Variants in FARP1 observed in about 807,000 individuals in gnomAD.
FARP1 encodes FERM, ARH/RhoGEF and pleckstrin domain protein 1.
Under a neutral mutation model 128.8 loss-of-function variants are expected in FARP1, and 52 were observed. That is an observed-to-expected ratio of 0.40 (90% CI 0.32 to 0.51). FARP1 has a LOEUF of 0.51. Ranked by LOEUF, FARP1 falls within the 20% of genes least tolerant of loss-of-function variation. FARP1 has a pLI of 0.45. For synonymous variants in FARP1, 580 were observed against 551.8 expected (o/e 1.05, Z -0.72); for missense variants, 1,333 against 1,367.9 (o/e 0.97, Z 0.40).
intron 2 of FARP1, among the ~76,000 whole-genome samples, chr13:98,233,357 C>T (rs928256276): frequency 5.9e-5 from 9 of 152,056 alleles, no homozygotes; most frequent in African/African-American, 2.2e-4. Flanking sequence ...CACTCAGTCA[C>T]TGGTGTGCAG....
At chr13:98,371,557 A>AC (rs1889331939) in intron 5 of FARP1, among the ~76,000 whole-genome samples, 1 of 141,992 alleles carries the variant, frequency 7.0e-6, no homozygotes, top group Admixed American at 7.0e-5. Flanking sequence ...TGAAATTCCT[A>AC]CTTTTTTTTT....
rs1321418113 is a variant in FARP1, at chr13:98,379,172, C to CTATATATAATATATATAATATATAATA, written c.496+1270_496+1296dup. Reference sequence around the variant, plus strand: ...ATATAATATATATATAATATATAATCTATATATAATATATATAATATATAA... The same window carrying CTATATATAATATATATAATATATAATA: ...ATATAATATATATATAATATATAATCTATATATAATATATATAATATATAATATATATATAATATATATAATATATAA... On this transcript the variant is annotated intron_variant, in intron 6 of 26. Transcript: ENST00000319562. 1.4e-3 allele frequency among the ~76,000 whole-genome samples: 119 copies of CTATATATAATATATATAATATATAATA among 83,334 alleles called. 32 individuals carry two copies. The highest frequency in any genetic ancestry group is 6.1e-3 in the African/African-American group (115 of 18,820). 54.7% of individuals were successfully genotyped at this position (83,334 alleles called of 152,430 possible).
intron 2 of FARP1, among the ~76,000 whole-genome samples, chr13:98,216,398 A>G (rs1283705764): frequency 1.3e-5 from 2 of 152,132 alleles, no homozygotes; most frequent in Non-Finnish European, 1.5e-5. Flanking sequence ...TTCAAGGCCA[A>G]GTGTCTGACC....
chr13:98,168,629 A>G (rs938612609), intron 1 of FARP1, among the ~76,000 whole-genome samples: 1 of 152,188 alleles, frequency 6.6e-6, no homozygotes, highest in African/African-American at 2.4e-5. Flanking sequence ...GGATCTCCCC[A>G]TGACCCTGAT....
chr13:98,171,078 G>A (rs1048608610), intron 1 of FARP1, among the ~76,000 whole-genome samples: 2 of 152,188 alleles, frequency 1.3e-5, no homozygotes, highest in Non-Finnish European at 2.9e-5. Context: ...AATAAACCTG[G>A]ATAAGCTATT....
intron 1 of FARP1, among the ~76,000 whole-genome samples, chr13:98,168,747 G>T (rs1252889450): frequency 6.6e-6 from 1 of 152,192 alleles, no homozygotes; most frequent in Non-Finnish European, 1.5e-5. Flanking sequence ...AAAGTGATTG[G>T]AGTGATAAAT....
intron 12 of FARP1, among the ~76,000 whole-genome samples, chr13:98,395,017 G>A (rs1890463176): frequency 6.6e-6 from 1 of 152,174 alleles, no homozygotes; most frequent in Non-Finnish European, 1.5e-5. Context: ...GCCGGGAACA[G>A]TGCTGTCAGC....
At chr13:98,285,180 C>A (rs1185613173) in intron 2 of FARP1, among the ~76,000 whole-genome samples, 1 of 152,102 alleles carries the variant, frequency 6.6e-6, no homozygotes, top group Non-Finnish European at 1.5e-5. Context: ...CCTTATTGGA[C>A]TTAACAAAGC....
chr13:98,432,942 G>A (rs1002306369), intron 18 of FARP1: 2 of 150,656 alleles, frequency 1.3e-5, no homozygotes, highest in African/African-American at 2.5e-5. Context: ...TGGAGCCGGG[G>A]CGTTAGGGGG....
At chr13:98,283,153 A>T (rs1885010873) in intron 2 of FARP1, among the ~76,000 whole-genome samples, 1 of 152,222 alleles carries the variant, frequency 6.6e-6, no homozygotes, top group African/African-American at 2.4e-5. Context: ...ATTGAACAGG[A>T]TAACTCTGCA....
chr13:98,338,212 A>T (rs1351789992), intron 2 of FARP1, among the ~76,000 whole-genome samples: 1 of 152,208 alleles, frequency 6.6e-6, no homozygotes, highest in African/African-American at 2.4e-5. Flanking sequence ...TAAGTACATT[A>T]AGTACATCCA....
chr13:98,167,093 G>T (rs369427121), intron 1 of FARP1, among the ~76,000 whole-genome samples: 1 of 152,058 alleles, frequency 6.6e-6, no homozygotes, highest in South Asian at 2.1e-4. Flanking sequence ...ATTTTCAAAC[G>T]TTGACAACTC....
chr13:98,210,615 T>A (rs1329220906), intron 1 of FARP1, among the ~76,000 whole-genome samples: 2 of 151,566 alleles, frequency 1.3e-5, no homozygotes, highest in Non-Finnish European at 2.9e-5. Flanking sequence ...GGTGGCGCGA[T>A]CTTGGCTCAC....
At chr13:98,426,995 A>G (rs954801943) in intron 17 of FARP1, among the ~76,000 whole-genome samples, 1 of 152,122 alleles carries the variant, frequency 6.6e-6, no homozygotes, top group Non-Finnish European at 1.5e-5. Flanking sequence ...TTCCCCTGCT[A>G]TTAGCGTTTT....
intron 3 of FARP1, among the ~76,000 whole-genome samples, chr13:98,350,688 T>A (rs1256373535): frequency 6.6e-6 from 1 of 152,126 alleles, no homozygotes; most frequent in Admixed American, 6.5e-5. Flanking sequence ...CCTGATCTTT[T>A]CCCTCTGTAC....
At chr13:98,338,270 C>G (rs1887823823) in intron 2 of FARP1, among the ~76,000 whole-genome samples, 1 of 152,294 alleles carries the variant, frequency 6.6e-6, no homozygotes, top group East Asian at 1.9e-4. Flanking sequence ...ACTCTTCTTA[C>G]CTTGCAAAAC....
chr13:98,199,582 C>T (rs1211708943), intron 1 of FARP1, among the ~76,000 whole-genome samples: 1 of 152,216 alleles, frequency 6.6e-6, no homozygotes, highest in Non-Finnish European at 1.5e-5. Flanking sequence ...CAGTAATTCA[C>T]TGCATCCTCA....
chr13:98,349,135 T>TA (rs1435748939), intron 3 of FARP1, among the ~76,000 whole-genome samples: 2 of 152,272 alleles, frequency 1.3e-5, no homozygotes, highest in Non-Finnish European at 2.9e-5. Flanking sequence ...CATATCTGTT[T>TA]AAACATTCGC....
intron 3 of FARP1, 37 bp downstream of exon 3, chr13:98,343,903 C>CTG (rs1566900488): frequency 7.3e-7 from 1 of 1,363,242 alleles, no homozygotes; most frequent in Admixed American, 1.7e-5. Flanking sequence ...ATTTTACTGT[C>CTG]TGTTCATCTT....
Sources: gnomAD v4.1 joint callset for allele counts (sites outside exome capture counted in the v4.1 genomes callset) on GRCh38, gnomAD v4.1.1 for gene constraint, MANE v1.5 for transcripts, NCBI Gene and HGNC (gene_info 2026-07-23, HGNC 2026-07-21) for gene names.